Variants in RGS3 observed in about 807,000 individuals in gnomAD.
RGS3 encodes regulator of G protein signaling 3.
A neutral mutation model predicts 132.6 loss-of-function variants in RGS3; 80 were observed. The observed-to-expected ratio is 0.60, with a 90% confidence interval of 0.50 to 0.73. The LOEUF (loss-of-function observed/expected upper bound fraction) is 0.73, where lower values mean the gene tolerates loss of function less well. Ranked by LOEUF, RGS3 falls within the 30% of genes least tolerant of loss-of-function variation. The probability of loss-of-function intolerance (pLI) is 0.00; values close to 1 mark genes in which losing one functional copy is unlikely to be tolerated. For missense variants in RGS3, 1,382 were observed against 1,530.8 expected (o/e 0.90, Z 1.62); for synonymous variants, 598 against 620.6 (o/e 0.96, Z 0.54).
At chr9:113,575,920 C>T (rs1250000474) in intron 19 of RGS3, among the ~76,000 whole-genome samples, 1 of 152,118 alleles carries the variant, frequency 6.6e-6, no homozygotes, top group African/African-American at 2.4e-5. Flanking sequence ...CTCCTGGGAT[C>T]CTATTAAAGT....
At chr9:113,547,411 G>A (rs1428951038) in intron 19 of RGS3, among the ~76,000 whole-genome samples, 1 of 152,156 alleles carries the variant, frequency 6.6e-6, no homozygotes, top group African/African-American at 2.4e-5. Context: ...CCCTAGAGGT[G>A]CTTCTTCCAG....
At chr9:113,536,455 G>A (rs547657360) in intron 18 of RGS3, 16 of 1,014,534 alleles carry the variant, frequency 1.6e-5, no homozygotes, top group African/African-American at 1.5e-4. Flanking sequence ...GGCTTCCCAC[G>A]TGCTCCCTCA....
chr9:113,517,473 T>C (rs1831735770), intron 15 of RGS3, 68 bp from the exon 14 acceptor site: 3 of 1,310,178 alleles, frequency 2.3e-6, no homozygotes, highest in Non-Finnish European at 3.3e-6. Context: ...GACAAGCTGC[T>C]GCTTCCTCCC....
At chr9:113,530,714 G>A (rs563895737) in intron 18 of RGS3, among the ~76,000 whole-genome samples, 2 of 152,370 alleles carry the variant, frequency 1.3e-5, no homozygotes, top group East Asian at 1.9e-4. Flanking sequence ...GGCTTCCAGA[G>A]ATTGTGAAGG....
At position 113,541,585 on chromosome 9, in the gene RGS3, G is replaced by A. The variant is rs896325285; in HGVS notation, c.2037+4667G>A. ...AGTGGTCCCAAGGGTGCATGTGGAT[G>A]TCAACAGAAGGACCACAATGGTGTG... On this transcript the variant is annotated intron_variant, in intron 19 of 24. Transcript: ENST00000350696. The A allele has an allele frequency of 1.1e-5, 15 of 1,360,824 alleles. No individual in the cohort carries two copies. The African/African-American group carries it at 2.1e-4, about 19-fold the overall frequency. 84.3% of individuals were successfully genotyped at this position (1,360,824 alleles called of 1,614,324 possible).
At chr9:113,517,651 G>A in intron 16 of RGS3, 27 bp downstream of exon 14, 1 of 1,577,872 alleles carries the variant, frequency 6.3e-7, no homozygotes, top group South Asian at 1.1e-5. Context: ...CATTTTTTAG[G>A]GGGCTTTCTG....
intron 19 of RGS3, among the ~76,000 whole-genome samples, chr9:113,566,708 C>T (rs543306806): frequency 2.6e-5 from 4 of 152,242 alleles, no homozygotes; most frequent in Non-Finnish European, 4.4e-5. Flanking sequence ...GGCCCCACAG[C>T]GATGCTTGAA....
Position 113,537,526 on chromosome 9 carries a change from C to CTGTG in RGS3, c.2037+608_2037+609insTGTG, listed in dbSNP as rs1164866101. Among the ~76,000 whole-genome samples, 1 of 152,148 alleles carries CTGTG rather than the reference C, an allele frequency of 6.6e-6. No homozygotes were observed. The highest frequency in any genetic ancestry group is 6.5e-5 in the Admixed American group (1 of 15,278). ...AGAGGGGATGGGATAGGAGCTGGAC[C>CTGTG]ACACAGCCTTCCCCTTTGACACTCC... On this transcript the variant is annotated intron_variant, in intron 19 of 24. Coordinates refer to ENST00000350696, the Ensembl canonical transcript of RGS3. This position sits in a 1 kb window ranked among gnomAD's most constrained non-coding sequence, Gnocchi z 4.3.
rs1226206981 is a variant in RGS3 at position 113,537,900 on chromosome 9, G to A, written c.2037+982G>A. On this transcript the variant is annotated intron_variant, in intron 19 of 24. Coordinates refer to ENST00000350696, the Ensembl canonical transcript of RGS3. This position sits in a 1 kb window ranked among gnomAD's most constrained non-coding sequence, Gnocchi z 4.3. ...GGACAGCAGCTCCCCAGCTATTCCCGAAAGGAGTGAGGATCTGAGAATTAC... is the reference window on the plus strand; with the variant it reads ...GGACAGCAGCTCCCCAGCTATTCCCAAAAGGAGTGAGGATCTGAGAATTAC... Among the ~76,000 whole-genome samples, 2 of 152,178 alleles carry A rather than the reference G, an allele frequency of 1.3e-5. No homozygotes were observed. The highest frequency in any genetic ancestry group is 2.1e-4 in the South Asian group (1 of 4,824).
At chr9:113,491,032 T>C (rs1830500631) in intron 7 of RGS3, among the ~76,000 whole-genome samples, 1 of 131,588 alleles carries the variant, frequency 7.6e-6, no homozygotes, top group Admixed American at 7.7e-5. Flanking sequence ...TATATATTGG[T>C]ATATATAATT....
At chr9:113,461,990 G>T (rs1829482805) in intron 2 of RGS3, 1 of 1,608,050 alleles carries the variant, frequency 6.2e-7, no homozygotes, top group Non-Finnish European at 8.5e-7. Context: ...TCAGGCCATG[G>T]CTAACTCATG....
chr9:113,575,644 T>C (rs1328688286), intron 19 of RGS3, among the ~76,000 whole-genome samples: 7 of 152,314 alleles, frequency 4.6e-5, no homozygotes, highest in African/African-American at 1.7e-4. Flanking sequence ...TGTATGACCT[T>C]GGCCTTATCA....
chr9:113,591,128 G>A lies in RGS3; in HGVS notation c.3016-205G>A, dbSNP rs1835400453. Among the ~76,000 whole-genome samples, 1 of 152,204 alleles carries A rather than the reference G, an allele frequency of 6.6e-6. No homozygotes were observed. Among genetic ancestry groups the A allele is most frequent in the Admixed American group, 6.5e-5 (1 of 15,280 alleles). ...ACTGTCCCAGGAGGAGATCCCTGTG[G>A]CCGGAGAGTCTGCCAGGCCGATTCC... is the stretch of plus-strand genomic sequence containing the variant. On this transcript the variant is annotated intron_variant, in intron 20 of 24. Coordinates refer to ENST00000350696, the Ensembl canonical transcript of RGS3. This position sits in a 1 kb window ranked among gnomAD's most constrained non-coding sequence, Gnocchi z 4.4.
At chr9:113,545,639 T>C (rs528216699) in intron 19 of RGS3, among the ~76,000 whole-genome samples, 3 of 152,188 alleles carry the variant, frequency 2.0e-5, no homozygotes, top group Non-Finnish European at 4.4e-5. Context: ...CCTCGAAGAC[T>C]TTCTCTGAAT....
chr9:113,495,118 G>A (rs1454219525), intron 7 of RGS3, among the ~76,000 whole-genome samples: 2 of 152,094 alleles, frequency 1.3e-5, no homozygotes, highest in Non-Finnish European at 2.9e-5. Flanking sequence ...CAAGTGATCT[G>A]CCTGCCTGTG....
chr9:113,552,127 T>G (rs961142984), intron 19 of RGS3, among the ~76,000 whole-genome samples: 13 of 152,198 alleles, frequency 8.5e-5, no homozygotes, highest in African/African-American at 3.1e-4. Context: ...CCTTTTAATT[T>G]TATGGTTTAT....
At chr9:113,455,587 C>T (rs900180604), upstream of RGS3, among the ~76,000 whole-genome samples, 5 of 152,144 alleles carry the variant, frequency 3.3e-5, no homozygotes, top group African/African-American at 7.2e-5. Flanking sequence ...AGTATCTCTC[C>T]GCTTACACTT....
chr9:113,551,587 T>C (rs538105741), intron 19 of RGS3, among the ~76,000 whole-genome samples: 7 of 152,306 alleles, frequency 4.6e-5, no homozygotes, highest in African/African-American at 1.4e-4. Context: ...TGGTGGCTCA[T>C]GTCTGTAATC....
In RGS3 at chr9:113,463,735, C is replaced by A; in HGVS notation, c.415+1534C>A. 6.6e-7 allele frequency: 1 copy of A among 1,522,208 alleles called. No individual in the cohort carries two copies. Among genetic ancestry groups the A allele is most frequent in the East Asian group, 2.4e-5 (1 of 41,312 alleles). 94.3% of individuals were successfully genotyped at this position (1,522,208 alleles called of 1,614,324 possible). A position where few individuals can be genotyped will look rare whatever the true frequency, so the allele number is the denominator to read the frequency against. On this transcript the variant is annotated intron_variant, in intron 3 of 24. Coordinates refer to ENST00000350696, the Ensembl canonical transcript of RGS3. This position sits in a 1 kb window ranked among gnomAD's most constrained non-coding sequence, Gnocchi z 4.6. ...CGCGCTCCTCCCGCCCTGGAGACTCCGGTTACTGGGGAGCAACACAGCCGC... is the reference window on the plus strand; with the variant it reads ...CGCGCTCCTCCCGCCCTGGAGACTCAGGTTACTGGGGAGCAACACAGCCGC...
Sources: gnomAD v4.1 joint callset for allele counts (sites outside exome capture counted in the v4.1 genomes callset) on GRCh38, gnomAD v4.1.1 for gene constraint, Gnocchi (gnomAD v3.1) non-coding constraint, MANE v1.5 for transcripts, NCBI Gene and HGNC (gene_info 2026-07-23, HGNC 2026-07-21) for gene names.